The following GALNTL6 variants were observed in gnomAD, a reference collection of about 807,000 sequenced individuals.
GALNTL6 encodes the protein polypeptide N-acetylgalactosaminyltransferase like 6.
GALNTL6 carries 46 observed loss-of-function variants against 73.7 expected under a neutral mutation model. The observed-to-expected ratio is 0.62, with a 90% CI of 0.49 to 0.80. The LOEUF (loss-of-function observed/expected upper bound fraction) is 0.80, where lower values mean the gene tolerates loss of function less well. Ranked by LOEUF, GALNTL6 falls within the 30% of genes least tolerant of loss-of-function variation. The probability of loss-of-function intolerance (pLI) is 0.00; values close to 1 mark genes in which losing one functional copy is unlikely to be tolerated. For synonymous variants in GALNTL6, 259 were observed against 263.7 expected (o/e 0.98, Z 0.17); for missense variants, 604 against 755.0 (o/e 0.80, Z 2.34).
At chr4:172,222,565 G>A (rs1361897598) in intron 2 of GALNTL6, among the ~76,000 whole-genome samples, 4 of 124,046 alleles carry the variant, frequency 3.2e-5, no homozygotes, top group East Asian at 2.0e-4. Flanking sequence ...TAAAATCGAA[G>A]CATTATCAAT....
intron 8 of GALNTL6, among the ~76,000 whole-genome samples, chr4:172,902,696 T>G (rs1746689686): frequency 6.6e-6 from 1 of 152,218 alleles, no homozygotes; most frequent in South Asian, 2.1e-4. Flanking sequence ...TCTAATGAAT[T>G]ATAACAAACC....
chr4:172,094,858 T>C (rs1052371860), intron 2 of GALNTL6, among the ~76,000 whole-genome samples: 1 of 152,152 alleles, frequency 6.6e-6, no homozygotes, highest in Non-Finnish European at 1.5e-5. Context: ...TCTATAGATA[T>C]TATTAATTCT....
intron 5 of GALNTL6, among the ~76,000 whole-genome samples, chr4:172,499,187 A>G (rs565386009): frequency 6.6e-6 from 1 of 152,136 alleles, no homozygotes; most frequent in Non-Finnish European, 1.5e-5. Context: ...TCCAAAATTC[A>G]TATGTTGAAG....
At chr4:172,413,779 A>G (rs192618847) in intron 5 of GALNTL6, among the ~76,000 whole-genome samples, 22 of 152,002 alleles carry the variant, frequency 1.4e-4, no homozygotes, top group Admixed American at 2.6e-4. Context: ...AATTACATGC[A>G]TTAAATTGCC....
chr4:172,806,351 TGGGC>T (rs1235936437), intron 5 of GALNTL6, among the ~76,000 whole-genome samples: 5 of 152,204 alleles, frequency 3.3e-5, no homozygotes, highest in African/African-American at 7.2e-5. Flanking sequence ...TAAATTAAAA[TGGGC>T]TTTGATATAC....
rs549986787 is a variant in GALNTL6 at position 172,338,310 on chromosome 4, C to T, written c.387-10213C>T. 1.1e-3 allele frequency among the ~76,000 whole-genome samples: 171 copies of T among 152,204 alleles called. 1 individual carries two copies. The highest frequency in any genetic ancestry group is 1.7e-3 in the Non-Finnish European group (118 of 68,020). ...TGCTAGAGAGTGAGCGTGATCCTTTCATGCTGTCACAATGTTCAGATTTTT... is the reference window on the plus strand; with the variant it reads ...TGCTAGAGAGTGAGCGTGATCCTTTTATGCTGTCACAATGTTCAGATTTTT... On this transcript the variant is annotated intron_variant, in intron 4 of 12. Transcript: ENST00000506823.
chr4:172,812,806 C>T (rs1741386570), intron 6 of GALNTL6, among the ~76,000 whole-genome samples: 1 of 152,110 alleles, frequency 6.6e-6, no homozygotes, highest in Admixed American at 6.5e-5. Flanking sequence ...ATAATAGTTA[C>T]CCTACAGGGT....
intron 4 of GALNTL6, among the ~76,000 whole-genome samples, chr4:172,320,924 G>C (rs968749084): frequency 6.6e-6 from 1 of 152,106 alleles, no homozygotes; most frequent in East Asian, 1.9e-4. Context: ...AAATACGGTG[G>C]TTTTCTTTTA....
intron 11 of GALNTL6, among the ~76,000 whole-genome samples, chr4:173,012,093 A>T (rs1325930996): frequency 6.6e-6 from 1 of 152,154 alleles, no homozygotes; most frequent in Non-Finnish European, 1.5e-5. Context: ...TTTTAATTTT[A>T]AATTAAGAAA....
chr4:172,955,082 C>T (rs963695842), intron 10 of GALNTL6, among the ~76,000 whole-genome samples: 1 of 152,110 alleles, frequency 6.6e-6, no homozygotes, highest in Non-Finnish European at 1.5e-5. Context: ...GAAACATGTA[C>T]ATTTAATGCA....
intron 2 of GALNTL6, among the ~76,000 whole-genome samples, chr4:171,891,141 G>T (rs1207637857): frequency 6.6e-6 from 1 of 152,144 alleles, no homozygotes; most frequent in Non-Finnish European, 1.5e-5. Flanking sequence ...GGAACATCAT[G>T]GTCAAAGATT....
intron 5 of GALNTL6, among the ~76,000 whole-genome samples, chr4:172,573,446 CAT>C (rs1420177016): frequency 6.6e-6 from 1 of 152,114 alleles, no homozygotes; most frequent in Non-Finnish European, 1.5e-5. Flanking sequence ...AAAATAGAAT[CAT>C]ATTTCTATCA....
chr4:172,191,392 T>C (rs1735580642), intron 2 of GALNTL6, among the ~76,000 whole-genome samples: 1 of 152,220 alleles, frequency 6.6e-6, no homozygotes, highest in African/African-American at 2.4e-5. Context: ...CCCTGGAAAC[T>C]GTTCTGCAAA....
At chr4:171,852,275 T>C (rs1003266376) in intron 2 of GALNTL6, among the ~76,000 whole-genome samples, 1 of 152,186 alleles carries the variant, frequency 6.6e-6, no homozygotes, top group African/African-American at 2.4e-5. Flanking sequence ...TTATGAACAA[T>C]TGGCTCTTAT....
At chr4:172,601,454 C>G (rs1474952472) in intron 5 of GALNTL6, among the ~76,000 whole-genome samples, 2 of 152,106 alleles carry the variant, frequency 1.3e-5, no homozygotes, top group South Asian at 2.1e-4. Context: ...CTGGATAAAT[C>G]ACTGAAAATA....
intron 3 of GALNTL6, among the ~76,000 whole-genome samples, chr4:172,256,178 C>T (rs146566011): frequency 6.6e-6 from 1 of 151,392 alleles, no homozygotes; most frequent in East Asian, 1.9e-4. Context: ...CAAAGGTTTG[C>T]CCTTAATTTC....
At chr4:172,597,027 C>A (rs377362789) in intron 5 of GALNTL6, among the ~76,000 whole-genome samples, 1 of 152,098 alleles carries the variant, frequency 6.6e-6, no homozygotes, top group Non-Finnish European at 1.5e-5. Flanking sequence ...AAATTACATT[C>A]TTTTAACCTT....
chr4:172,557,976 C>T (rs1485009698), intron 5 of GALNTL6, among the ~76,000 whole-genome samples: 3 of 151,930 alleles, frequency 2.0e-5, no homozygotes, highest in Admixed American at 6.6e-5. Flanking sequence ...ATAAAACCCC[C>T]AAACTGGAAA....
chr4:172,411,352 G>C (rs1744428372), intron 5 of GALNTL6, among the ~76,000 whole-genome samples: 1 of 152,130 alleles, frequency 6.6e-6, no homozygotes, highest in Non-Finnish European at 1.5e-5. Flanking sequence ...CTAATGCAGA[G>C]TTTGAGTGGT....
Sources: gnomAD v4.1 joint callset for allele counts (sites outside exome capture counted in the v4.1 genomes callset) on GRCh38, gnomAD v4.1.1 for gene constraint, MANE v1.5 for transcripts, NCBI Gene and HGNC (gene_info 2026-07-23, HGNC 2026-07-21) for gene names.